Variants in MGAT5 observed in about 807,000 individuals in gnomAD.
The protein encoded by MGAT5 is alpha-1,6-mannosylglycoprotein 6-beta-N-acetylglucosaminyltransferase.
In MGAT5, 30 loss-of-function variants were observed where a neutral mutation model predicts 94.3. That is an observed-to-expected ratio of 0.32 (90% CI 0.24 to 0.43). The LOEUF (loss-of-function observed/expected upper bound fraction) is 0.43. Among genes scored for constraint, MGAT5 ranks in the 20% least tolerant of loss-of-function variants. The probability of loss-of-function intolerance (pLI) is 1.00; values close to 1 mark genes in which losing one functional copy is unlikely to be tolerated. For missense variants in MGAT5, 691 were observed against 905.5 expected (o/e 0.76, Z 3.04); for synonymous variants, 310 against 322.9 (o/e 0.96, Z 0.43).
intron 12 of MGAT5, among the ~76,000 whole-genome samples, 176 bp from the exon 13 acceptor site, chr2:134,422,627 A>G (rs1684362328): frequency 6.6e-6 from 1 of 152,210 alleles, no homozygotes; most frequent in Admixed American, 6.5e-5. Context: ...TTCAAGGTAC[A>G]GAACCATCAC....
rs201845608 is a variant in MGAT5, at chr2:134,306,724, ACT to A, written c.407-10802_407-10801del. 7.8e-3 allele frequency among the ~76,000 whole-genome samples: 1,180 copies of A among 151,954 alleles called. 13 individuals are homozygous for A. The highest frequency in any genetic ancestry group is 0.027 in the African/African-American group (1,122 of 41,430). On this transcript the variant is annotated intron_variant, in intron 2 of 15. Transcript: ENST00000281923. ...ACTCAGATGTTAGAAGGCTTTGCTG[ACT>A]CTGTTTTTTGAGTGAAGAAACTCCT...
intron 13 of MGAT5, among the ~76,000 whole-genome samples, chr2:134,423,788 A>G (rs1684429427): frequency 6.6e-6 from 1 of 152,146 alleles, no homozygotes; most frequent in African/African-American, 2.4e-5. Context: ...GGAGTAAATG[A>G]GATAATGTAT....
intron 1 of MGAT5, among the ~76,000 whole-genome samples, chr2:134,129,314 C>G (rs1264934159): frequency 6.6e-6 from 1 of 152,190 alleles, no homozygotes; most frequent in Non-Finnish European, 1.5e-5. Context: ...GAAAAGTTCT[C>G]TGCTTTTCAG....
chr2:134,281,875 A>G lies in MGAT5; in HGVS notation c.406+11325A>G, dbSNP rs185344801. Reference sequence around the variant, plus strand: ...AAGTTATAGCAAGATTTGCAGAAGAACAAAGTAAATATTTAAGACTTTATT... The same window carrying G: ...AAGTTATAGCAAGATTTGCAGAAGAGCAAAGTAAATATTTAAGACTTTATT... On this transcript the variant is annotated intron_variant, in intron 2 of 15. Transcript: ENST00000281923. Among the ~76,000 whole-genome samples the G allele has an allele frequency of 2.4e-4, 37 of 152,370 alleles. No homozygotes were observed. The East Asian group carries it at 4.8e-3, about 20-fold the overall frequency.
intron 2 of MGAT5, among the ~76,000 whole-genome samples, chr2:134,312,742 CACGTGGCAGGCAGCAGA>C (rs1401562923): frequency 6.6e-6 from 1 of 152,098 alleles, no homozygotes; most frequent in Admixed American, 6.6e-5. Flanking sequence ...GGCATTTCAG[CACGTGGCAGGCAGCAGA>C]TGCCCAGTGA....
At chr2:134,388,645 C>T (rs1682186459) in intron 10 of MGAT5, among the ~76,000 whole-genome samples, 1 of 151,662 alleles carries the variant, frequency 6.6e-6, no homozygotes, top group Admixed American at 6.6e-5. Flanking sequence ...GTTATTTATC[C>T]TGTAGAGTTG....
At chr2:134,206,171 C>G (rs1573862591) in intron 1 of MGAT5, among the ~76,000 whole-genome samples, 1 of 152,110 alleles carries the variant, frequency 6.6e-6, no homozygotes, top group Admixed American at 6.5e-5. Flanking sequence ...CTTTTTTCCC[C>G]TAAGCTTTGC....
At chr2:134,294,071 G>A (rs1685532505) in intron 2 of MGAT5, among the ~76,000 whole-genome samples, 1 of 152,174 alleles carries the variant, frequency 6.6e-6, no homozygotes, top group South Asian at 2.1e-4. Context: ...GTGTAAAGAT[G>A]TGTCACTTTT....
intron 2 of MGAT5, among the ~76,000 whole-genome samples, chr2:134,291,801 C>T (rs568264232): frequency 4.2e-4 from 64 of 152,222 alleles, no homozygotes; most frequent in African/African-American, 1.4e-3. Flanking sequence ...GTCAGTTTTC[C>T]CTAGAAGCTT....
intron 10 of MGAT5, among the ~76,000 whole-genome samples, chr2:134,365,535 G>C (rs1272958265): frequency 6.6e-6 from 1 of 152,222 alleles, no homozygotes; most frequent in Non-Finnish European, 1.5e-5. Flanking sequence ...GAGTCCACAT[G>C]ATGAAGCAGG....
chr2:134,189,592 G>GTTTTTTT lies in MGAT5; in HGVS notation c.-142-64667_-142-64661dup, dbSNP rs113582076. Among the ~76,000 whole-genome samples, 87 of 56,248 alleles carry GTTTTTTT rather than the reference G, an allele frequency of 1.5e-3. 3 individuals carry two copies. The highest frequency in any genetic ancestry group is 4.4e-3 in the African/African-American group (70 of 16,066). 36.9% of individuals were successfully genotyped at this position (56,248 alleles called of 152,430 possible). Reference sequence around the variant, plus strand: ...ACATATGACTAACCTCATGGCTCTAGTTTTTTTTTGTTTTTTTTTTTTTTT... The same window carrying GTTTTTTT: ...ACATATGACTAACCTCATGGCTCTAGTTTTTTTTTTTTTTTTGTTTTTTTTTTTTTTT... On this transcript the variant is annotated intron_variant, in intron 1 of 16. Transcript: ENST00000409645.
intron 11 of MGAT5, among the ~76,000 whole-genome samples, chr2:134,412,046 C>T (rs894725585): frequency 2.6e-5 from 4 of 152,156 alleles, no homozygotes; most frequent in African/African-American, 7.2e-5. Context: ...TGGTACGTGC[C>T]GAGGCATTTC....
intron 1 of MGAT5, among the ~76,000 whole-genome samples, chr2:134,265,973 G>C (rs1683685862): frequency 6.6e-6 from 1 of 151,836 alleles, no homozygotes; most frequent in Non-Finnish European, 1.5e-5. Context: ...TTTGAGACCA[G>C]CCTGACCAAG....
chr2:134,142,635 T>G lies in MGAT5; in HGVS notation c.-143+22344T>G. On this transcript the variant is annotated intron_variant, in intron 1 of 16. Transcript: ENST00000409645. ...AGGGCACTGGGGAGCCAAGGCCTTC[T>G]GCGTTTTTATTGGTTTTGGCAAGTT... Among the ~76,000 whole-genome samples, 2 of 152,248 alleles carry G rather than the reference T, an allele frequency of 1.3e-5. 1 individual carries two copies. Among genetic ancestry groups the G allele is most frequent in the Non-Finnish European group, 2.9e-5 (2 of 68,034 alleles).
Position 134,412,875 on chromosome 2 carries a change from G to T in MGAT5, c.1537G>T (p.Val513Phe), listed in dbSNP as rs1219027874. 6.2e-7 allele frequency: 1 copy of T among 1,614,062 alleles called. No homozygotes were observed. The highest frequency in any genetic ancestry group is 1.1e-5 in the South Asian group (1 of 91,062). Residue 513 changes from valine to phenylalanine, a missense_variant, in exon 12 of 16, where the codon GTT becomes TTT. Val to Phe is a conservative substitution (Grantham distance 50). This residue lies in a region of MGAT5 where 260 missense variants were observed against 347.0 expected (regional missense o/e 0.75). Transcript: ENST00000281923. The stretch of plus-strand genomic sequence containing the variant: ...GTGGTTTTCTGTCTTACAGTTGTTT[G>T]TTGGACTTGGGTTCCCTTACGAGGG... ...QFLLRETKLF[V>F]GLGFPYEGPA...
rs1036689768 is a variant in MGAT5, at chr2:134,244,643, C to T, written c.-142-9619C>T. ...AGGGGTGGTGATGGACTCCCAGGTT[C>T]ACCTTGGTCTGCTTCTCTCTCACTC... On this transcript the variant is annotated intron_variant, in intron 1 of 16. Coordinates refer to the MGAT5 transcript ENST00000409645. 5.9e-5 allele frequency among the ~76,000 whole-genome samples: 9 copies of T among 152,328 alleles called. 1 individual carries two copies. In the South Asian group the frequency reaches 1.7e-3, roughly 28 times the overall value.
In MGAT5 at chr2:134,364,020, G is replaced by A. The variant is rs145641654; in HGVS notation, c.1380+1612G>A. On this transcript the variant is annotated intron_variant, in intron 10 of 15. Transcript: ENST00000281923. ...CTTGAAGAAGATAGCTTGCATGTCC[G>A]TGTGGGCTTAATATTGAAATTATAT... 2.5e-3 allele frequency among the ~76,000 whole-genome samples: 377 copies of A among 152,280 alleles called. 7 individuals carry two copies. The highest frequency in any genetic ancestry group is 0.022 in the East Asian group (113 of 5,190).
chr2:134,398,708 G>C (rs1254260968), intron 10 of MGAT5, among the ~76,000 whole-genome samples: 1 of 150,950 alleles, frequency 6.6e-6, no homozygotes, highest in African/African-American at 2.4e-5. Flanking sequence ...AATGGATAAA[G>C]AAAATATGTA....
At chr2:134,146,134 T>C (rs1227955339) in intron 1 of MGAT5, among the ~76,000 whole-genome samples, 2 of 152,164 alleles carry the variant, frequency 1.3e-5, no homozygotes, top group African/African-American at 4.8e-5. Context: ...ATTATGAGCC[T>C]CCCCATCCCC....
Sources: gnomAD v4.1 joint callset for allele counts (sites outside exome capture counted in the v4.1 genomes callset) on GRCh38, gnomAD v4.1.1 for gene constraint, gnomAD v4.1.1 regional missense constraint, MANE v1.5 for transcripts, NCBI Gene and HGNC (gene_info 2026-07-23, HGNC 2026-07-21) for gene names.